CNTN4: variants seen among roughly 807,000 people sequenced by gnomAD.
CNTN4 encodes the protein contactin-4.
In CNTN4, 77 loss-of-function variants were observed where a neutral mutation model predicts 122.5. The observed-to-expected ratio is 0.63, with a 90% CI of 0.52 to 0.76. The LOEUF (loss-of-function observed/expected upper bound fraction) is 0.76. CNTN4 is among the 30% of genes least tolerant of loss of function. The pLI is 0.00. For missense variants in CNTN4, 1,256 were observed against 1,259.1 expected, an observed-to-expected ratio of 1.00 and a Z score of 0.04; for synonymous variants, 512 against 447.0, an observed-to-expected ratio of 1.15 and a Z score of -1.83.
intron 3 of CNTN4, among the ~76,000 whole-genome samples, chr3:2,456,717 C>T (rs1356682669): frequency 1.3e-5 from 2 of 152,100 alleles, no homozygotes; most frequent in Non-Finnish European, 2.9e-5. Flanking sequence ...TTTTTATGTA[C>T]AAATAATATT....
chr3:2,800,694 C>T (rs1469819448), intron 6 of CNTN4, among the ~76,000 whole-genome samples: 1 of 152,202 alleles, frequency 6.6e-6, no homozygotes, highest in Non-Finnish European at 1.5e-5. Flanking sequence ...AGACTAGGAA[C>T]TAAAGATCTT....
chr3:2,825,590 G>A (rs2092969756), intron 7 of CNTN4, among the ~76,000 whole-genome samples: 1 of 152,090 alleles, frequency 6.6e-6, no homozygotes, highest in East Asian at 1.9e-4. Flanking sequence ...TTGAGAGGAT[G>A]AGGTGGGAGG....
intron 21 of CNTN4, 143 bp downstream of exon 21, chr3:3,042,565 G>A (rs1471658653): frequency 1.4e-6 from 1 of 692,952 alleles, no homozygotes; most frequent in African/African-American, 1.8e-5. Context: ...GAACATTAAT[G>A]GAAGCATTGA....
At chr3:2,672,071 T>C (rs1341812406) in intron 4 of CNTN4, among the ~76,000 whole-genome samples, 1 of 152,192 alleles carries the variant, frequency 6.6e-6, no homozygotes, top group Non-Finnish European at 1.5e-5. Flanking sequence ...AGGGACCCAC[T>C]TGAGGAGGCA....
intron 3 of CNTN4, among the ~76,000 whole-genome samples, chr3:2,365,213 C>T (rs2045326031): frequency 6.6e-6 from 1 of 152,064 alleles, no homozygotes; most frequent in South Asian, 2.1e-4. Flanking sequence ...AGTTACCTTA[C>T]TTGGTTCAGC....
At chr3:2,845,786 C>G (rs1234047616) in intron 7 of CNTN4, among the ~76,000 whole-genome samples, 2 of 152,296 alleles carry the variant, frequency 1.3e-5, no homozygotes, top group East Asian at 3.9e-4. Context: ...TTTCAGAGAA[C>G]TAAGATTTGC....
intron 3 of CNTN4, among the ~76,000 whole-genome samples, chr3:2,564,645 T>C (rs146100822): frequency 0.011 from 1,712 of 152,254 alleles, 34 homozygotes; most frequent in African/African-American, 0.038. Flanking sequence ...GCACTGAGCC[T>C]GGAACGCAGT....
intron 4 of CNTN4, among the ~76,000 whole-genome samples, chr3:2,668,204 T>C (rs2084285236): frequency 6.6e-6 from 1 of 152,230 alleles, no homozygotes; most frequent in Non-Finnish European, 1.5e-5. Context: ...TTTCACAATA[T>C]TGATTCTTCC....
At chr3:2,704,170 A>C (rs1031891063) in intron 4 of CNTN4, among the ~76,000 whole-genome samples, 1 of 151,118 alleles carries the variant, frequency 6.6e-6, no homozygotes, top group Non-Finnish European at 1.5e-5. Flanking sequence ...GGTGGCATAC[A>C]CCTGTAGTCC....
chr3:2,320,097 A>T (rs569443580), intron 2 of CNTN4, among the ~76,000 whole-genome samples: 14 of 152,306 alleles, frequency 9.2e-5, no homozygotes, highest in South Asian at 8.3e-4. Context: ...ACAAGAATCA[A>T]TCAGGCTGTT....
intron 23 of CNTN4, among the ~76,000 whole-genome samples, chr3:3,051,523 A>G (rs1326437230): frequency 6.6e-6 from 1 of 152,142 alleles, no homozygotes; most frequent in Non-Finnish European, 1.5e-5. Flanking sequence ...TTATTCCTCA[A>G]AGCCAGATGT....
intron 15 of CNTN4, among the ~76,000 whole-genome samples, chr3:3,027,004 G>A (rs73808817): frequency 0.085 from 12,886 of 152,110 alleles, 629 homozygotes; most frequent in Admixed American, 0.11. Flanking sequence ...ATGGAGTCCA[G>A]CCAAAACATA....
At chr3:2,627,681 GAC>G (rs2082256794) in intron 4 of CNTN4, among the ~76,000 whole-genome samples, 1 of 151,854 alleles carries the variant, frequency 6.6e-6, no homozygotes, top group Admixed American at 6.6e-5. Flanking sequence ...TTTTAGTAGA[GAC>G]GGGGTTTCAC....
At chr3:2,720,223 C>G (rs1440781956) in intron 4 of CNTN4, among the ~76,000 whole-genome samples, 4 of 152,182 alleles carry the variant, frequency 2.6e-5, no homozygotes, top group Non-Finnish European at 5.9e-5. Context: ...CACTTTGCTT[C>G]TTTTTGATGT....
chr3:2,552,886 G>A (rs1048623947), intron 3 of CNTN4, among the ~76,000 whole-genome samples: 2 of 152,160 alleles, frequency 1.3e-5, no homozygotes, highest in Admixed American at 6.5e-5. Flanking sequence ...GGAAGGTGAC[G>A]TGCTACGGCA....
intron 3 of CNTN4, among the ~76,000 whole-genome samples, chr3:2,564,544 A>G (rs781230419): frequency 1.3e-5 from 2 of 152,288 alleles, no homozygotes; most frequent in South Asian, 4.1e-4. Flanking sequence ...TTATAGAATA[A>G]TGTAATTCAA....
chr3:2,475,073 G>T (rs1011568321), intron 3 of CNTN4, among the ~76,000 whole-genome samples: 1 of 152,268 alleles, frequency 6.6e-6, no homozygotes, highest in East Asian at 1.9e-4. Flanking sequence ...AAAAATATGT[G>T]AGTTTATTGA....
chr3:2,859,271 T>C (rs994457053), intron 7 of CNTN4, among the ~76,000 whole-genome samples: 3 of 152,242 alleles, frequency 2.0e-5, no homozygotes, highest in Non-Finnish European at 2.9e-5. Flanking sequence ...TATTCCACTG[T>C]GTATATATAT....
intron 2 of CNTN4, among the ~76,000 whole-genome samples, chr3:2,326,886 A>G (rs1178293953): frequency 6.6e-6 from 1 of 152,186 alleles, no homozygotes; most frequent in African/African-American, 2.4e-5. Flanking sequence ...GCCTTTTTCT[A>G]ACTCCGAGGC....
Sources: allele counts gnomAD v4.1 joint callset (sites outside exome capture counted in the v4.1 genomes callset), GRCh38; gene constraint gnomAD v4.1.1; transcripts MANE v1.5; gene names NCBI Gene and HGNC (gene_info 2026-07-23, HGNC 2026-07-21).